GRID2: variants seen among roughly 807,000 people sequenced by gnomAD.
GRID2 encodes glutamate receptor ionotropic, delta-2.
A neutral mutation model predicts 114.8 loss-of-function variants in GRID2; 33 were observed. The ratio of observed to expected loss-of-function variants is 0.29; its 90% CI spans 0.22 to 0.38. The LOEUF (loss-of-function observed/expected upper bound fraction) is 0.38. Among genes scored for constraint, GRID2 ranks in the 10% least tolerant of loss-of-function variants. GRID2 has a pLI of 1.00. For synonymous variants in GRID2, 505 were observed against 449.9 expected (o/e 1.12, Z -1.55); for missense variants, 1,184 against 1,257.7 (o/e 0.94, Z 0.89).
intron 2 of GRID2, among the ~76,000 whole-genome samples, chr4:92,620,101 C>G (rs1012775239): frequency 5.3e-5 from 8 of 151,702 alleles, no homozygotes; most frequent in African/African-American, 1.9e-4. Context: ...GGAATACTAT[C>G]TATTTTGAGG....
rs531604398 is a variant in GRID2 at position 93,604,449 on chromosome 4, A to G, written c.2194-21820A>G. The stretch of plus-strand genomic sequence containing the variant: ...AGAGCAAAGGAAATGGTTTCTTGAG[A>G]TGGAATCTACTCTTGGTGAAGATGT... On this transcript the variant is annotated intron_variant, in intron 13 of 15. Transcript: ENST00000282020. Among the ~76,000 whole-genome samples, 28 of 152,334 alleles carry G rather than the reference A, an allele frequency of 1.8e-4. No individual in the cohort carries two copies. The South Asian group carries it at 5.4e-3, about 29-fold the overall frequency.
intron 4 of GRID2, among the ~76,000 whole-genome samples, chr4:93,164,057 G>T (rs1013687049): frequency 6.6e-5 from 10 of 151,788 alleles, no homozygotes; most frequent in Non-Finnish European, 1.3e-4. Context: ...TTCATCACAC[G>T]TGAACTTGGT....
At position 92,763,223 on chromosome 4, in the gene GRID2, C is replaced by A. The variant is rs1738103777; in HGVS notation, c.244+172937C>A. ...TCAACAAATATTTATAAATTAACTT[C>A]TAGGCTTTAGTCACTTTTATCCTAA... On this transcript the variant is annotated intron_variant, in intron 2 of 15. Transcript: ENST00000282020. 2.0e-5 allele frequency among the ~76,000 whole-genome samples: 3 copies of A among 152,132 alleles called. No homozygotes were observed. In the South Asian group the frequency reaches 6.2e-4, roughly 32 times the overall value.
intron 2 of GRID2, among the ~76,000 whole-genome samples, chr4:92,972,278 G>T (rs1753572227): frequency 6.8e-6 from 1 of 147,476 alleles, no homozygotes; most frequent in Admixed American, 6.8e-5. Flanking sequence ...GTTTTGATTT[G>T]CATTTTCCTG....
At chr4:93,039,286 G>A (rs531429487) in intron 2 of GRID2, among the ~76,000 whole-genome samples, 2 of 151,782 alleles carry the variant, frequency 1.3e-5, no homozygotes, top group Non-Finnish European at 2.9e-5. Context: ...CATGGACACA[G>A]GGAGGGGAAC....
intron 2 of GRID2, among the ~76,000 whole-genome samples, chr4:92,971,363 C>T (rs1753504167): frequency 6.6e-6 from 1 of 151,938 alleles, no homozygotes; most frequent in East Asian, 1.9e-4. Flanking sequence ...GATAGTTACA[C>T]AGAAGTAATA....
At chr4:93,806,561 AG>A (rs1735037623) in intron 1 of GRID2, among the ~76,000 whole-genome samples, 1 of 152,192 alleles carries the variant, frequency 6.6e-6, no homozygotes, top group African/African-American at 2.4e-5. Flanking sequence ...CCTACATGGG[AG>A]GGAGGTATGC....
chr4:93,312,868 A>G (rs1026283266), intron 8 of GRID2, among the ~76,000 whole-genome samples: 3 of 152,162 alleles, frequency 2.0e-5, no homozygotes, highest in African/African-American at 7.2e-5. Flanking sequence ...CCCCAAGTGT[A>G]TAGGGAGGCA....
chr4:93,051,166 T>G (rs1188053949), intron 2 of GRID2, among the ~76,000 whole-genome samples: 1 of 152,042 alleles, frequency 6.6e-6, no homozygotes, highest in African/African-American at 2.4e-5. Context: ...CCCAAAATTA[T>G]TAAAACTCAT....
At chr4:92,343,722 C>T (rs1485608887) in intron 1 of GRID2, among the ~76,000 whole-genome samples, 6 of 151,990 alleles carry the variant, frequency 3.9e-5, no homozygotes, top group South Asian at 2.1e-4. Flanking sequence ...TATAGGCACC[C>T]GCCACCATGC....
chr4:93,319,235 T>TA (rs988133512), intron 8 of GRID2, among the ~76,000 whole-genome samples: 47 of 152,198 alleles, frequency 3.1e-4, no homozygotes, highest in African/African-American at 1.0e-3. Flanking sequence ...TTATTGACCT[T>TA]AAACACAGAG....
intron 8 of GRID2, among the ~76,000 whole-genome samples, chr4:93,370,304 C>T (rs187275960): frequency 8.5e-5 from 13 of 152,058 alleles, no homozygotes; most frequent in Middle Eastern, 3.4e-3. Context: ...CTTAAATTTC[C>T]GATCCCTGTC....
At chr4:92,962,595 T>G (rs1227594687) in intron 2 of GRID2, among the ~76,000 whole-genome samples, 1 of 151,972 alleles carries the variant, frequency 6.6e-6, no homozygotes, top group Admixed American at 6.6e-5. Flanking sequence ...GGGACAGACA[T>G]TGTGAAGAAG....
intron 13 of GRID2, among the ~76,000 whole-genome samples, chr4:93,527,256 T>C (rs905165085): frequency 1.3e-5 from 2 of 152,186 alleles, no homozygotes; most frequent in Non-Finnish European, 2.9e-5. Flanking sequence ...GATTATAAAT[T>C]CCTCCTTTCT....
intron 2 of GRID2, among the ~76,000 whole-genome samples, chr4:92,774,123 C>G (rs1738672532): frequency 6.6e-6 from 1 of 152,006 alleles, no homozygotes; most frequent in Admixed American, 6.6e-5. Flanking sequence ...TGATCTGGAT[C>G]CAGCCCAGCC....
intron 14 of GRID2, among the ~76,000 whole-genome samples, chr4:93,762,087 C>T (rs998205066): frequency 6.6e-6 from 1 of 152,068 alleles, no homozygotes; most frequent in East Asian, 1.9e-4. Context: ...TTCTGAAAAT[C>T]ATCTGCATGC....
chr4:92,397,342 ATGTGTGTGTGTGTGTGTG>A (rs58085283), intron 1 of GRID2, among the ~76,000 whole-genome samples: 24 of 142,764 alleles, frequency 1.7e-4, no homozygotes, highest in East Asian at 4.1e-4. Flanking sequence ...GTGTGTTTGT[ATGTGTGTGTGTGTGTGTG>A]TGTGTGTGTG....
In GRID2 at chr4:93,725,924, T is replaced by G. The variant is rs533460370; in HGVS notation, c.2361-43286T>G. ...TTAGGTTGCAAAAATTTTCTCCCATTCTGTAGGTTGCCTGTTCACTCTGAT... is the reference window on the plus strand; with the variant it reads ...TTAGGTTGCAAAAATTTTCTCCCATGCTGTAGGTTGCCTGTTCACTCTGAT... On this transcript the variant is annotated intron_variant, in intron 14 of 15. Transcript: ENST00000282020. 4.4e-3 allele frequency among the ~76,000 whole-genome samples: 665 copies of G among 152,310 alleles called. 6 individuals carry two copies. Among genetic ancestry groups the G allele is most frequent in the African/African-American group, 0.015 (606 of 41,564 alleles).
At chr4:93,241,860 T>C (rs1747556369) in intron 8 of GRID2, among the ~76,000 whole-genome samples, 1 of 151,098 alleles carries the variant, frequency 6.6e-6, no homozygotes, top group Admixed American at 6.6e-5. Context: ...TGTGAAGTTG[T>C]TGGGAGAGAT....
Sources: gnomAD v4.1 joint callset for allele counts (sites outside exome capture counted in the v4.1 genomes callset) on GRCh38, gnomAD v4.1.1 for gene constraint, MANE v1.5 for transcripts, NCBI Gene and HGNC (gene_info 2026-07-23, HGNC 2026-07-21) for gene names.